The following GTF2IRD2B variants were observed in gnomAD, a reference collection of about 807,000 sequenced individuals.
GTF2IRD2B encodes general transcription factor II-I repeat domain-containing protein 2B.
A neutral mutation model predicts 55.6 loss-of-function variants in GTF2IRD2B; 10 were observed. That is an observed-to-expected ratio of 0.18 (90% CI 0.11 to 0.31). The LOEUF is 0.31. GTF2IRD2B is among the 10% of genes least tolerant of loss of function. The pLI is 1.00. For missense variants in GTF2IRD2B, 206 were observed against 802.7 expected (o/e 0.26, Z 8.98); for synonymous variants, 107 against 320.5 (o/e 0.33, Z 7.12).
chr7:75,118,467 A>G (rs1808249969), intron 3 of GTF2IRD2B, among the ~76,000 whole-genome samples: 1 of 150,930 alleles, frequency 6.6e-6, no homozygotes, highest in African/African-American at 2.4e-5. Flanking sequence ...GGCCCTGGGG[A>G]GCCACCCCAT....
intron 3 of GTF2IRD2B, among the ~76,000 whole-genome samples, chr7:75,113,889 T>G (rs1335868221): frequency 1.3e-5 from 2 of 148,864 alleles, no homozygotes; most frequent in African/African-American, 2.5e-5. Flanking sequence ...TGTGTCTGTG[T>G]GTGTATAAGT....
chr7:75,132,536 C>T (rs137984413), intron 8 of GTF2IRD2B, among the ~76,000 whole-genome samples: 17 of 144,728 alleles, frequency 1.2e-4, no homozygotes, highest in African/African-American at 3.0e-4. Context: ...CTTCATCCTC[C>T]TCTCCTTCCT....
At chr7:75,117,238 G>T (rs1340620820) in intron 3 of GTF2IRD2B, among the ~76,000 whole-genome samples, 1 of 151,600 alleles carries the variant, frequency 6.6e-6, no homozygotes, top group African/African-American at 2.4e-5. Context: ...GGCCAGGCAC[G>T]CCTGTAATCC....
rs1807284455 is a variant in GTF2IRD2B, at chr7:75,092,760, C to T, written c.-11C>T. 1.3e-5 allele frequency: 2 copies of T among 153,428 alleles called. No homozygotes were observed. The highest frequency in any genetic ancestry group is 2.9e-5 in the Non-Finnish European group (2 of 68,368). The allele number at this position is 153,428 out of a possible 1,614,324, so 9.5% of individuals were successfully genotyped here. On this transcript the variant is annotated 5_prime_UTR_variant, in exon 1 of 16. Coordinates refer to ENST00000472837, the MANE Select transcript of GTF2IRD2B (RefSeq NM_001003795.3). ...CGGCCGGCCCGGCGCGGCCCAGCGC[C>T]CTCAGGTGCGTACCCCGCCCCCGCC...
intron 13 of GTF2IRD2B, among the ~76,000 whole-genome samples, chr7:75,142,045 C>T (rs1388207399): frequency 6.6e-6 from 1 of 152,236 alleles, no homozygotes; most frequent in African/African-American, 2.4e-5. Flanking sequence ...AATGACTGAT[C>T]ATAAGTATTG....
At chr7:75,140,527 CTTT>C (rs1171281832) in intron 12 of GTF2IRD2B, among the ~76,000 whole-genome samples, 1 of 86,194 alleles carries the variant, frequency 1.2e-5, no homozygotes, top group African/African-American at 4.6e-5. Flanking sequence ...ACATCCTTGT[CTTT>C]TTTTTTTTTT....
At chr7:75,123,402 C>T in intron 5 of GTF2IRD2B, 83 bp downstream of exon 5, 1 of 647,306 alleles carries the variant, frequency 1.5e-6, no homozygotes, top group South Asian at 1.9e-5. Context: ...GTGCATCCCG[C>T]CTGCTGCGTT....
Position 75,148,282 on chromosome 7 carries a change from G to A in GTF2IRD2B, c.1835G>A (p.Arg612Lys), listed in dbSNP as rs1554532765. ...SLKKFCINWS[R>K]LVSVASTGTP... Reference sequence around the variant, plus strand: ...AAAAAGTTCTGTATCAACTGGTCGAGATTAGTAAGCGTGGCCTCCACTGGC... The same window carrying A: ...AAAAAGTTCTGTATCAACTGGTCGAAATTAGTAAGCGTGGCCTCCACTGGC... Residue 612 changes from arginine (R) to lysine (K), a missense_variant, in exon 16 of 16, where the codon AGA becomes AAA. Physicochemically the swap from Arg to Lys is conservative, Grantham distance 26. Transcript: ENST00000472837. The A allele has an allele frequency of 4.0e-5, 64 of 1,613,144 alleles. No individual in the cohort carries two copies. Among genetic ancestry groups the A allele is most frequent in the Middle Eastern group, 1.6e-4 (1 of 6,078 alleles).
intron 8 of GTF2IRD2B, among the ~76,000 whole-genome samples, chr7:75,132,497 C>G (rs1444953288): frequency 1.4e-5 from 2 of 146,396 alleles, no homozygotes; most frequent in Non-Finnish European, 3.0e-5. Context: ...AGAATCAGAA[C>G]TAAGCTCTCC....
rs587763134 is a variant in GTF2IRD2B, at chr7:75,109,141, A to G, written c.99+78A>G. ...TGACAGAATCATGAAACACTTCAGT[A>G]TGCCTTTTGTTTTTTTTCTTTTCTT... is the stretch of plus-strand genomic sequence containing the variant. On this transcript the variant is annotated intron_variant, in intron 2 of 15. Transcript: ENST00000472837. The G allele has an allele frequency of 1.5e-5, 10 of 670,520 alleles. 3 individuals are homozygous for G. The highest frequency in any genetic ancestry group is 3.7e-5 in the Admixed American group (1 of 26,808). The allele number at this position is 670,520 out of a possible 1,614,324, so 41.5% of individuals were successfully genotyped here.
chr7:75,093,002 C>A (rs1356378089), intron 1 of GTF2IRD2B, among the ~76,000 whole-genome samples: 682 of 152,092 alleles, frequency 4.5e-3, no homozygotes, highest in African/African-American at 0.016. Flanking sequence ...GGGCAATGGT[C>A]GTACGCACGG....
intron 1 of GTF2IRD2B, among the ~76,000 whole-genome samples, chr7:75,105,215 A>AC (rs1807746259): frequency 6.6e-6 from 1 of 152,166 alleles, no homozygotes; most frequent in Non-Finnish European, 1.5e-5. Context: ...ACAAAAAAAA[A>AC]ACAACAGACC....
chr7:75,118,400 G>A (rs1808247818), intron 3 of GTF2IRD2B, among the ~76,000 whole-genome samples: 1 of 151,334 alleles, frequency 6.6e-6, no homozygotes, highest in East Asian at 1.9e-4. Context: ...AACCCCACAG[G>A]CTTCCCCACT....
intron 1 of GTF2IRD2B, among the ~76,000 whole-genome samples, chr7:75,104,913 G>C (rs1415550247): frequency 2.0e-5 from 3 of 152,232 alleles, no homozygotes; most frequent in Non-Finnish European, 4.4e-5. Flanking sequence ...AAACAATACC[G>C]GCTGGGCGCG....
At chr7:75,121,478 G>C (rs1554451936) in intron 4 of GTF2IRD2B, among the ~76,000 whole-genome samples, 2 of 148,302 alleles carry the variant, frequency 1.3e-5, no homozygotes. Context: ...TTTTTTTTCT[G>C]AGAGGAGTCT....
chr7:75,121,605 C>T (rs1241748341), intron 4 of GTF2IRD2B, among the ~76,000 whole-genome samples: 1 of 144,114 alleles, frequency 6.9e-6, no homozygotes, highest in Non-Finnish European at 1.5e-5. Context: ...ATTACAGGTG[C>T]CCACCACCTT....
intron 1 of GTF2IRD2B, among the ~76,000 whole-genome samples, chr7:75,105,931 C>A (rs1242512492): frequency 1.3e-5 from 2 of 152,312 alleles, no homozygotes; most frequent in East Asian, 3.8e-4. Context: ...TCCCGGTGAC[C>A]ACCGAGGAGG....
At chr7:75,103,977 C>A (rs1478739555) in intron 1 of GTF2IRD2B, among the ~76,000 whole-genome samples, 1 of 149,374 alleles carries the variant, frequency 6.7e-6, no homozygotes, top group Admixed American at 6.7e-5. Context: ...GCTTGCAGTG[C>A]GCAGAGATCA....
intron 1 of GTF2IRD2B, among the ~76,000 whole-genome samples, chr7:75,099,263 T>TA (rs1227149750): frequency 1.3e-4 from 2 of 14,970 alleles, no homozygotes; most frequent in Admixed American, 8.0e-4. Context: ...AACCTCCTAT[T>TA]AAAAAAAAAA....
Sources: allele counts gnomAD v4.1 joint callset (sites outside exome capture counted in the v4.1 genomes callset), GRCh38; gene constraint gnomAD v4.1.1; transcripts MANE v1.5; gene names NCBI Gene and HGNC (gene_info 2026-07-23, HGNC 2026-07-21).